The following VAV2 variants were observed in gnomAD, a reference collection of about 807,000 sequenced individuals.
The protein encoded by VAV2 is vav guanine nucleotide exchange factor 2.
A neutral mutation model predicts 132.5 loss-of-function variants in VAV2; 67 were observed. The ratio of observed to expected loss-of-function variants is 0.51; its 90% CI spans 0.42 to 0.62. The LOEUF is 0.62. VAV2 is among the 20% of genes least tolerant of loss of function. The probability of loss-of-function intolerance (pLI) is 0.00; values close to 1 mark genes in which losing one functional copy is unlikely to be tolerated. For missense variants in VAV2, 938 were observed against 1,153.6 expected, an observed-to-expected ratio of 0.81 and a Z score of 2.71; for synonymous variants, 492 against 443.5, an observed-to-expected ratio of 1.11 and a Z score of -1.37.
At chr9:133,774,251 A>T (rs1409219952) in intron 25 of VAV2, among the ~76,000 whole-genome samples, 1 of 152,154 alleles carries the variant, frequency 6.6e-6, no homozygotes, top group Non-Finnish European at 1.5e-5. Context: ...CCCTGGATTT[A>T]ATGTGCACCA....
chr9:133,874,420 C>T (rs1296502922), intron 2 of VAV2, among the ~76,000 whole-genome samples: 2 of 152,206 alleles, frequency 1.3e-5, no homozygotes, highest in Non-Finnish European at 2.9e-5. Context: ...AGGTGGGTTC[C>T]AGTGTGGGAG....
chr9:133,889,329 G>C (rs1277548893), intron 2 of VAV2, among the ~76,000 whole-genome samples: 1 of 152,196 alleles, frequency 6.6e-6, no homozygotes, highest in African/African-American at 2.4e-5. Context: ...CTGTGTGGGA[G>C]ACAGCATGCC....
chr9:133,783,459 G>T (rs368801080), intron 19 of VAV2, 44 bp downstream of exon 19: 5 of 1,577,822 alleles, frequency 3.2e-6, no homozygotes, highest in Non-Finnish European at 4.3e-6. Flanking sequence ...GAAGTGAGCA[G>T]GCGTGGCCAG....
rs1173501026 is a variant in VAV2 at position 133,885,130 on chromosome 9, T to C, written c.322-23698A>G. Among the ~76,000 whole-genome samples, 1 of 152,222 alleles carries C rather than the reference T, an allele frequency of 6.6e-6. No individual in the cohort carries two copies. The highest frequency in any genetic ancestry group is 1.9e-4 in the East Asian group (1 of 5,198). ...GACTGGCAAGCACAGCCAATATTCA[T>C]CAAAATGCATGAATCTTCTCTGAAC... On this transcript the variant is annotated intron_variant, in intron 2 of 29. Transcript: ENST00000371850. The surrounding 1 kb of genome is among the most constrained non-coding windows in gnomAD (Gnocchi z 5.0).
chr9:133,845,998 A>T (rs997289090), intron 3 of VAV2, among the ~76,000 whole-genome samples: 2 of 152,214 alleles, frequency 1.3e-5, no homozygotes, highest in Admixed American at 1.3e-4. Flanking sequence ...ACACCCACCC[A>T]GCTGAAAGGG....
intron 1 of VAV2, among the ~76,000 whole-genome samples, chr9:133,954,608 G>A (rs537566614): frequency 1.3e-5 from 2 of 152,370 alleles, no homozygotes; most frequent in African/African-American, 4.8e-5. Flanking sequence ...ACTTACATGT[G>A]CCACACACCT....
intron 3 of VAV2, among the ~76,000 whole-genome samples, chr9:133,849,704 T>C (rs1396358510): frequency 6.6e-6 from 1 of 152,202 alleles, no homozygotes; most frequent in African/African-American, 2.4e-5. Context: ...CCTTCCTGCC[T>C]CTTCCAGCTC....
At chr9:133,851,905 A>ATGGG (rs1156786517) in intron 3 of VAV2, among the ~76,000 whole-genome samples, 6 of 136,270 alleles carry the variant, frequency 4.4e-5, no homozygotes, top group African/African-American at 1.0e-4. Context: ...GGATGGATGG[A>ATGGG]TGGGTGGATG....
intron 20 of VAV2, 90 bp from the exon 21 acceptor site, chr9:133,780,029 C>T (rs766412424): frequency 6.4e-6 from 10 of 1,563,850 alleles, no homozygotes; most frequent in Non-Finnish European, 7.0e-6. Context: ...TCCCTGTCCC[C>T]ACTAGTTCCT....
chr9:133,938,489 C>T (rs1841007090), intron 2 of VAV2, among the ~76,000 whole-genome samples: 1 of 110,210 alleles, frequency 9.1e-6, no homozygotes, highest in South Asian at 3.8e-4. Flanking sequence ...AGGGTCCCCT[C>T]ATGTGCACCA....
chr9:133,929,064 G>A (rs1385876005), intron 2 of VAV2, among the ~76,000 whole-genome samples: 4 of 152,340 alleles, frequency 2.6e-5, no homozygotes, highest in South Asian at 2.1e-4. Flanking sequence ...GCATGGGGGA[G>A]GCAAATCTTT....
At position 133,777,434 on chromosome 9, in the gene VAV2, C is replaced by G. The variant is rs781688097; in HGVS notation, c.1920G>C (p.Gly640=). ...EGRLVQTRKS[G]YFPSSSVKPC... is the part of the protein sequence containing the mutation. ...GCTTCACAGATGAGCTGGGGAAATA[C>G]CCTGACTTCCTGGTTTGTACCAGAC... The change falls in exon 23 of 30, where the codon GGG becomes GGC. Residue 640 remains glycine (G), a synonymous_variant. Coordinates refer to ENST00000371850, the MANE Select transcript of VAV2 (RefSeq NM_001134398.2). The G allele has an allele frequency of 1.2e-6, 2 of 1,613,752 alleles. No homozygotes were observed. Among genetic ancestry groups the G allele is most frequent in the Admixed American group, 1.7e-5 (1 of 60,022 alleles).
rs1491576221 is a variant in VAV2, at chr9:133,937,499, TGC to T, written c.321+1602_321+1603del. ...TGTGTGGGGTGGGTGCAAGAGTGTG[TGC>T]GTGTGAGTGTGTGTGCGCGTGTGAG... On this transcript the variant is annotated intron_variant, in intron 2 of 29. Transcript: ENST00000371850. Among the ~76,000 whole-genome samples the T allele has an allele frequency of 4.1e-3, 141 of 34,728 alleles. 2 individuals carry two copies. The highest frequency in any genetic ancestry group is 6.5e-3 in the African/African-American group (120 of 18,578). 22.8% of individuals were successfully genotyped at this position (34,728 alleles called of 152,430 possible).
In VAV2 at chr9:133,761,947, C is replaced by T. The variant is rs776971209; in HGVS notation, c.*2115G>A. 1.3e-5 allele frequency: 2 copies of T among 152,650 alleles called. No homozygotes were observed. The highest frequency in any genetic ancestry group is 2.9e-5 in the Non-Finnish European group (2 of 68,056). 9.5% of individuals were successfully genotyped at this position (152,650 alleles called of 1,614,324 possible). On this transcript the variant is annotated 3_prime_UTR_variant, in exon 30 of 30. Transcript: ENST00000371850. ...AGTAAAAACCATGGTCTGAAAAAAACCCATTGGCAAATGTACAGTTTGTGT... is the reference window on the plus strand; with the variant it reads ...AGTAAAAACCATGGTCTGAAAAAAATCCATTGGCAAATGTACAGTTTGTGT...
chr9:133,856,776 G>A (rs1335009912), intron 3 of VAV2, among the ~76,000 whole-genome samples: 1 of 152,168 alleles, frequency 6.6e-6, no homozygotes, highest in East Asian at 1.9e-4. Flanking sequence ...TGCATTCCTG[G>A]GCCCACAGCC....
intron 1 of VAV2, among the ~76,000 whole-genome samples, chr9:133,981,259 C>T (rs931549608): frequency 3.3e-5 from 5 of 152,244 alleles, no homozygotes; most frequent in African/African-American, 1.2e-4. Flanking sequence ...CTGCTTGCCC[C>T]AGAATGCCTC....
intron 3 of VAV2, among the ~76,000 whole-genome samples, chr9:133,839,066 G>A (rs75400739): frequency 0.015 from 2,244 of 151,770 alleles, 50 homozygotes; most frequent in African/African-American, 0.051. Context: ...ATGGATGGGC[G>A]AGTGGTTGGA....
intron 3 of VAV2, among the ~76,000 whole-genome samples, chr9:133,854,645 A>C (rs1445150546): frequency 6.6e-6 from 1 of 152,112 alleles, no homozygotes; most frequent in African/African-American, 2.4e-5. Context: ...AGCAGGCTGG[A>C]GGGGGCCAGA....
At position 133,834,265 on chromosome 9, in the gene VAV2, G is replaced by A. The variant is rs371426562; in HGVS notation, c.449+7C>T. The A allele has an allele frequency of 2.1e-5, 31 of 1,463,556 alleles. No individual in the cohort carries two copies. The highest frequency in any genetic ancestry group is 1.6e-4 in the African/African-American group (11 of 70,538). The allele number at this position is 1,463,556 out of a possible 1,614,324, so 90.7% of individuals were successfully genotyped here. On this transcript the variant is annotated splice_region_variant and intron_variant, in intron 4 of 29. Coordinates refer to ENST00000371850, the MANE Select transcript of VAV2 (RefSeq NM_001134398.2). The surrounding 1 kb of genome is among the most constrained non-coding windows in gnomAD (Gnocchi z 5.9). ...TCTCCATCCCTCCTCCCATCCCCCC[G>A]CCTTACTCGGCCAGCTCCTCCAGGC...
Sources: gnomAD v4.1 joint callset for allele counts (sites outside exome capture counted in the v4.1 genomes callset) on GRCh38, gnomAD v4.1.1 for gene constraint, Gnocchi (gnomAD v3.1) non-coding constraint, MANE v1.5 for transcripts, NCBI Gene and HGNC (gene_info 2026-07-23, HGNC 2026-07-21) for gene names.